Variants in PLEKHM3 observed in about 807,000 individuals in gnomAD.
PLEKHM3 encodes pleckstrin homology domain-containing family M member 3.
Under a neutral mutation model 81.8 loss-of-function variants are expected in PLEKHM3, and 45 were observed. The ratio of observed to expected loss-of-function variants is 0.55; its 90% confidence interval spans 0.43 to 0.71. The LOEUF (loss-of-function observed/expected upper bound fraction) is 0.71, where lower values mean the gene tolerates loss of function less well. PLEKHM3 is among the 30% of genes least tolerant of loss of function. PLEKHM3 has a pLI of 0.00. For synonymous variants in PLEKHM3, 352 were observed against 356.4 expected (o/e 0.99, Z 0.14); for missense variants, 788 against 924.3 (o/e 0.85, Z 1.91).
chr2:207,874,837 G>A (rs541518658), intron 6 of PLEKHM3, among the ~76,000 whole-genome samples: 3 of 151,902 alleles, frequency 2.0e-5, no homozygotes, highest in South Asian at 4.2e-4. Context: ...TGATCCGCCC[G>A]CCTTGGCCTC....
At chr2:207,919,447 G>T (rs1689110879) in intron 5 of PLEKHM3, among the ~76,000 whole-genome samples, 1 of 152,170 alleles carries the variant, frequency 6.6e-6, no homozygotes, top group Admixed American at 6.5e-5. Context: ...AGACTGAAGG[G>T]GGATAAGGGT....
chr2:207,944,137 C>T (rs1690041745), intron 4 of PLEKHM3, among the ~76,000 whole-genome samples: 1 of 151,944 alleles, frequency 6.6e-6, no homozygotes, highest in Admixed American at 6.6e-5. Flanking sequence ...TAAGGAAGCC[C>T]ACTATTAAAG....
In PLEKHM3 at chr2:207,976,740, T is replaced by C. The variant is rs1291305649; in HGVS notation, c.1457A>G (p.Lys486Arg). 4 of 1,614,220 alleles carry C rather than the reference T, an allele frequency of 2.5e-6. No individual in the cohort carries two copies. The East Asian group carries it at 8.9e-5, about 36-fold the overall frequency. The change falls in exon 3 of 8, where the codon AAA becomes AGA. Residue 486 changes from lysine (K) to arginine (R), a missense_variant. Physicochemically the swap from Lys to Arg is conservative, Grantham distance 26 (BLOSUM62 2). Coordinates refer to ENST00000427836, the MANE Select transcript of PLEKHM3 (RefSeq NM_001080475.3). This position sits in a 1 kb window ranked among gnomAD's most constrained non-coding sequence, Gnocchi z 4.1. ...QMGGHELRKN[K>R]RQSVTTSFLS... The stretch of plus-strand genomic sequence containing the variant: ...GAAGCTGGTAGTCACAGATTGGCGT[T>C]TGTTCTTCCTGAGTTCATGCCCACC...
At chr2:207,958,769 G>T (rs1234831115) in intron 3 of PLEKHM3, among the ~76,000 whole-genome samples, 1 of 151,946 alleles carries the variant, frequency 6.6e-6, no homozygotes, top group East Asian at 1.9e-4. Flanking sequence ...AATTAGCCAG[G>T]CATGGTGGCA....
chr2:207,931,538 C>A (rs529828785), intron 4 of PLEKHM3, among the ~76,000 whole-genome samples: 1 of 152,240 alleles, frequency 6.6e-6, no homozygotes, highest in African/African-American at 2.4e-5. Flanking sequence ...TCCTGTGAAT[C>A]CACAATTATT....
chr2:207,848,147 G>A (rs1461711225), intron 7 of PLEKHM3, among the ~76,000 whole-genome samples: 8 of 152,224 alleles, frequency 5.3e-5, no homozygotes, highest in Non-Finnish European at 1.0e-4. Context: ...CGAGCAAATA[G>A]GAAGCCACGG....
intron 2 of PLEKHM3, among the ~76,000 whole-genome samples, chr2:207,992,099 A>G (rs1691918236): frequency 6.6e-6 from 1 of 152,132 alleles, no homozygotes; most frequent in African/African-American, 2.4e-5. Flanking sequence ...TGGAACTCCA[A>G]CCTCCAGACT....
At chr2:207,856,907 C>G (rs999567309) in intron 7 of PLEKHM3, among the ~76,000 whole-genome samples, 3 of 152,062 alleles carry the variant, frequency 2.0e-5, no homozygotes, top group Non-Finnish European at 4.4e-5. Flanking sequence ...GTTTGAGAAT[C>G]ATACTTTGCA....
chr2:207,970,154 C>T (rs537857959), intron 3 of PLEKHM3, among the ~76,000 whole-genome samples: 1 of 151,778 alleles, frequency 6.6e-6, no homozygotes, highest in Non-Finnish European at 1.5e-5. Context: ...TAGCTGGGAG[C>T]AACCGCTGAA....
rs1470935780 is a variant in PLEKHM3, at chr2:207,822,110, CG to C, written c.*6208del. The C allele has an allele frequency of 1.3e-5, 2 of 152,182 alleles. No homozygotes were observed. Among genetic ancestry groups the C allele is most frequent in the Non-Finnish European group, 2.9e-5 (2 of 68,072 alleles). The allele number at this position is 152,182 out of a possible 1,614,324, so 9.4% of individuals were successfully genotyped here. ...TGTAGGCACATGCCACCATGCCCAG[CG>C]TAACAGTAAGATTCTGATAGGTGAC... On this transcript the variant is annotated 3_prime_UTR_variant, in exon 8 of 8. Coordinates refer to ENST00000427836, the MANE Select transcript of PLEKHM3 (RefSeq NM_001080475.3).
intron 2 of PLEKHM3, among the ~76,000 whole-genome samples, chr2:207,983,129 G>C (rs1437420684): frequency 3.5e-5 from 5 of 143,932 alleles, no homozygotes; most frequent in African/African-American, 5.1e-5. Context: ...TCGGCTTACT[G>C]CCAGCTCCGC....
chr2:207,909,882 A>G (rs1487383156), intron 5 of PLEKHM3, among the ~76,000 whole-genome samples: 1 of 152,232 alleles, frequency 6.6e-6, no homozygotes, highest in Admixed American at 6.5e-5. Flanking sequence ...TAGATATTAA[A>G]TCATTCATCC....
chr2:207,915,631 T>G (rs1688966322), intron 5 of PLEKHM3, among the ~76,000 whole-genome samples: 1 of 152,168 alleles, frequency 6.6e-6, no homozygotes, highest in Non-Finnish European at 1.5e-5. Context: ...AAATATCTCA[T>G]CTTAGGCTTT....
intron 6 of PLEKHM3, among the ~76,000 whole-genome samples, chr2:207,865,797 A>ATATATATATATATATAT (rs1559212735): frequency 2.6e-5 from 1 of 38,124 alleles, no homozygotes; most frequent in African/African-American, 1.3e-4. Context: ...AAAAAAAAAA[A>ATATATATATATATATAT]AAAAAGATAT....
intron 7 of PLEKHM3, among the ~76,000 whole-genome samples, chr2:207,836,540 C>T (rs143438120): frequency 1.0e-3 from 153 of 152,180 alleles, no homozygotes; most frequent in African/African-American, 3.3e-3. Context: ...TAAGTATGTG[C>T]AGGGGGAAAA....
chr2:207,974,657 C>G (rs1691240796), intron 3 of PLEKHM3, among the ~76,000 whole-genome samples: 1 of 152,114 alleles, frequency 6.6e-6, no homozygotes, highest in East Asian at 1.9e-4. Context: ...TATTGAATGT[C>G]TGAACTTAAA....
At chr2:207,920,947 A>G (rs1190648088) in intron 5 of PLEKHM3, among the ~76,000 whole-genome samples, 5 of 152,110 alleles carry the variant, frequency 3.3e-5, no homozygotes, top group Admixed American at 2.0e-4. Context: ...CTCCCTGTTC[A>G]AGGGACACCA....
At chr2:208,016,696 C>CACACACACACACACACACACACA (rs368432659) in intron 1 of PLEKHM3, among the ~76,000 whole-genome samples, 9 of 148,374 alleles carry the variant, frequency 6.1e-5, no homozygotes, top group African/African-American at 9.9e-5. Flanking sequence ...CACACACACA[C>CACACACACACACACACACACACA]CCTGGTTTCA....
At chr2:207,923,901 A>ATTTTTTT (rs1422796438) in intron 5 of PLEKHM3, among the ~76,000 whole-genome samples, 4 of 72,558 alleles carry the variant, frequency 5.5e-5, no homozygotes, top group East Asian at 3.4e-4. Flanking sequence ...ATATATATAT[A>ATTTTTTT]TATATTTTTT....
Sources: gnomAD v4.1 joint callset for allele counts (sites outside exome capture counted in the v4.1 genomes callset) on GRCh38, gnomAD v4.1.1 for gene constraint, Gnocchi (gnomAD v3.1) non-coding constraint, MANE v1.5 for transcripts, NCBI Gene and HGNC (gene_info 2026-07-23, HGNC 2026-07-21) for gene names.